Variants in DIP2C observed in about 807,000 individuals in gnomAD.
DIP2C encodes disco-interacting protein 2 homolog C.
Under a neutral mutation model 192.4 loss-of-function variants are expected in DIP2C, and 33 were observed. The observed-to-expected ratio is 0.17, with a 90% CI of 0.13 to 0.23. The LOEUF is 0.23. DIP2C is among the 10% of genes least tolerant of loss of function. DIP2C has a pLI of 1.00. For synonymous variants in DIP2C, 979 were observed against 864.1 expected, an observed-to-expected ratio of 1.13 and a Z score of -2.33; for missense variants, 1,537 against 2,110.1, an observed-to-expected ratio of 0.73 and a Z score of 5.32.
intron 1 of DIP2C, among the ~76,000 whole-genome samples, chr10:611,724 T>G (rs931724700): frequency 6.6e-6 from 1 of 152,150 alleles, no homozygotes; most frequent in Non-Finnish European, 1.5e-5. Context: ...GGCACACACG[T>G]AGGAAAGCAG....
At chr10:534,338 C>G (rs1208568004) in intron 1 of DIP2C, among the ~76,000 whole-genome samples, 1 of 152,220 alleles carries the variant, frequency 6.6e-6, no homozygotes, top group African/African-American at 2.4e-5. Context: ...AGGCAGGAGC[C>G]AGATGGTCAG....
At position 347,744 on chromosome 10, in the gene DIP2C, G is replaced by A. The variant is rs557813275; in HGVS notation, c.3231+897C>T. On this transcript the variant is annotated intron_variant, in intron 26 of 36. Coordinates refer to ENST00000280886, the MANE Select transcript of DIP2C (RefSeq NM_014974.3). ...CAGACACATCGCGCATAGTTCTCCC[G>A]GAAACCCTACATACACCCAACCCAG... 2.6e-4 allele frequency among the ~76,000 whole-genome samples: 33 copies of A among 126,502 alleles called. 2 individuals are homozygous for A. Among genetic ancestry groups the A allele is most frequent in the African/African-American group, 7.8e-4 (25 of 31,896 alleles). The allele number at this position is 126,502 out of a possible 152,430, so 83.0% of individuals were successfully genotyped here.
At position 385,390 on chromosome 10, in the gene DIP2C, TTAAG is replaced by T. The variant is rs376636529; in HGVS notation, c.1663-755_1663-752del. Among the ~76,000 whole-genome samples, 153 of 152,342 alleles carry T rather than the reference TTAAG, an allele frequency of 1.0e-3. 1 individual carries two copies. The highest frequency in any genetic ancestry group is 3.4e-3 in the African/African-American group (141 of 41,576). ...TTTCCCTAAACTACTCCTGACAGAA[TTAAG>T]TAATTTAAGTCCAAATCTTTTTAAG... On this transcript the variant is annotated intron_variant, in intron 14 of 36. Transcript: ENST00000280886.
At chr10:338,046 A>G (rs999259582) in intron 29 of DIP2C, among the ~76,000 whole-genome samples, 2 of 152,178 alleles carry the variant, frequency 1.3e-5, no homozygotes, top group African/African-American at 2.4e-5. Flanking sequence ...GCGTGTATAT[A>G]TTAGTTTTTA....
intron 1 of DIP2C, among the ~76,000 whole-genome samples, chr10:587,102 T>C (rs1364909546): frequency 2.9e-5 from 4 of 138,666 alleles, no homozygotes; most frequent in Non-Finnish European, 4.7e-5. Flanking sequence ...CCCGGATCCC[T>C]GCTGATAGCG....
At chr10:668,694 A>T (rs1446906143) in intron 1 of DIP2C, 3 of 152,256 alleles carry the variant, frequency 2.0e-5, no homozygotes, top group Non-Finnish European at 4.4e-5. Flanking sequence ...ACAGATTCTA[A>T]GTATGAAATA....
intron 1 of DIP2C, among the ~76,000 whole-genome samples, chr10:579,359 G>A (rs1049430551): frequency 6.6e-6 from 1 of 151,634 alleles, no homozygotes; most frequent in Non-Finnish European, 1.5e-5. Context: ...CCCAAATGTA[G>A]TGTACAAACA....
At chr10:409,498 G>A (rs778330113) in intron 8 of DIP2C, among the ~76,000 whole-genome samples, 13 of 152,166 alleles carry the variant, frequency 8.5e-5, no homozygotes, top group Non-Finnish European at 8.8e-5. Context: ...AGAGCTGCCT[G>A]GACACTGGAA....
chr10:639,687 ATAGTT>A (rs975306520), intron 1 of DIP2C, among the ~76,000 whole-genome samples: 3 of 152,246 alleles, frequency 2.0e-5, no homozygotes, highest in African/African-American at 4.8e-5. Flanking sequence ...ATTGCACTGA[ATAGTT>A]TAGAGCAGTC....
chr10:345,109 A>C lies in DIP2C; in HGVS notation c.3233T>G (p.Val1078Gly). The C allele has an allele frequency of 6.2e-7, 1 of 1,610,624 alleles. No individual in the cohort carries two copies. Among genetic ancestry groups the C allele is most frequent in the Non-Finnish European group, 8.5e-7 (1 of 1,179,410 alleles). Residue 1078 changes from valine to glycine, a missense_variant and splice_region_variant, in exon 27 of 37, where the codon GTG becomes GGG. Val to Gly is a moderately radical substitution (Grantham distance 109). Transcript: ENST00000280886. ...TLPTVKMIVE[V>G]SRSACLMTTQ... ...CGTCATCAGACAGGCAGAGCGACTC[A>C]CCTGGCATCAGAGAGCGAGAATGGA... is the stretch of plus-strand genomic sequence containing the variant.
intron 3 of DIP2C, among the ~76,000 whole-genome samples, chr10:448,166 C>T (rs1314928909): frequency 7.5e-5 from 9 of 119,420 alleles, no homozygotes; most frequent in Admixed American, 3.9e-4. Context: ...GACCCGCTCA[C>T]TCCCGTCGAT....
At chr10:681,703 G>A (rs1831140873) in intron 1 of DIP2C, among the ~76,000 whole-genome samples, 1 of 152,206 alleles carries the variant, frequency 6.6e-6, no homozygotes, top group African/African-American at 2.4e-5. Context: ...TCCAGGGAAT[G>A]CAGACCCCAG....
intron 1 of DIP2C, among the ~76,000 whole-genome samples, chr10:548,217 C>CCCA (rs1554897847): frequency 3.1e-5 from 4 of 129,854 alleles, no homozygotes; most frequent in Non-Finnish European, 5.2e-5. Context: ...CACCCCCCCC[C>CCCA]CCACAGGAAA....
intron 34 of DIP2C, among the ~76,000 whole-genome samples, chr10:285,638 C>A (rs935186409): frequency 1.3e-5 from 2 of 152,174 alleles, no homozygotes; most frequent in Non-Finnish European, 1.5e-5. Flanking sequence ...GGACTGGGGA[C>A]GCCCAGCAGT....
intron 1 of DIP2C, among the ~76,000 whole-genome samples, chr10:595,411 T>C (rs1485521980): frequency 2.0e-5 from 3 of 152,210 alleles, no homozygotes; most frequent in South Asian, 4.1e-4. Context: ...CCACAACCTT[T>C]TGTGAAACCA....
chr10:571,557 T>TC (rs1469824313), intron 1 of DIP2C, among the ~76,000 whole-genome samples: 2 of 151,608 alleles, frequency 1.3e-5, no homozygotes, highest in Admixed American at 6.6e-5. Context: ...GCCCTCACCT[T>TC]CCTCACTGCA....
intron 7 of DIP2C, among the ~76,000 whole-genome samples, chr10:414,739 GTACATATA>G (rs1733868475): frequency 1.1e-5 from 1 of 90,510 alleles, no homozygotes; most frequent in Non-Finnish European, 2.1e-5. Flanking sequence ...GTGTGTGTGT[GTACATATA>G]TATATATATA....
chr10:592,869 G>C (rs145571876), intron 1 of DIP2C, among the ~76,000 whole-genome samples: 1 of 151,596 alleles, frequency 6.6e-6, no homozygotes, highest in African/African-American at 2.4e-5. Context: ...GAGCAGGTAT[G>C]ACACTGCAAG....
intron 1 of DIP2C, among the ~76,000 whole-genome samples, chr10:496,437 T>TCCACAGGCCAGGCAC: frequency 6.7e-6 from 1 of 149,516 alleles, no homozygotes; most frequent in South Asian, 2.1e-4. Context: ...ACTTAAAATC[T>TCCACAGGCCAGGCAC]GTACATTACT....
Sources: allele counts gnomAD v4.1 joint callset (sites outside exome capture counted in the v4.1 genomes callset), GRCh38; gene constraint gnomAD v4.1.1; transcripts MANE v1.5; gene names NCBI Gene and HGNC (gene_info 2026-07-23, HGNC 2026-07-21).